NTF3: variants seen among roughly 807,000 people sequenced by gnomAD.
The protein encoded by NTF3 is neurotrophin 3, also known as neurotrophin-3.
Under a neutral mutation model 26.3 loss-of-function variants are expected in NTF3, and 8 were observed. That is an observed-to-expected ratio of 0.30 (90% CI 0.18 to 0.55). The LOEUF is 0.55. NTF3 is among the 20% of genes least tolerant of loss of function. The pLI is 0.93. For synonymous variants in NTF3, 154 were observed against 145.5 expected (o/e 1.06, Z -0.42); for missense variants, 276 against 352.9 (o/e 0.78, Z 1.75).
Position 5,494,551 on chromosome 12 carries a change from G to A in NTF3, c.376G>A (p.Glu126Lys), listed in dbSNP as rs1177026116. Residue 126 changes from glutamate (E) to lysine (K), a missense_variant, in exon 2 of 2, where the codon GAG becomes AAG. By Grantham distance (56) the Glu-to-Lys change is moderately conservative. Transcript: ENST00000423158. The surrounding 1 kb of genome is among the most constrained non-coding windows in gnomAD (Gnocchi z 8.3). ...CCTGCTGAGCGACAGCACCCCCTTGGAGCCCCCGCCCTTGTATCTCATGGA... is the reference window on the plus strand; with the variant it reads ...CCTGCTGAGCGACAGCACCCCCTTGAAGCCCCCGCCCTTGTATCTCATGGA... ...RVLLSDSTPL[E>K]PPPLYLMEDY... The A allele has an allele frequency of 2.5e-6, 4 of 1,614,064 alleles. No individual in the cohort carries two copies.
intron 1 of NTF3, among the ~76,000 whole-genome samples, chr12:5,458,567 G>A (rs564697328): frequency 6.6e-6 from 1 of 152,280 alleles, no homozygotes; most frequent in South Asian, 2.1e-4. Flanking sequence ...AAAACAGAAG[G>A]TGTTTGCCTG....
intron 1 of NTF3, among the ~76,000 whole-genome samples, chr12:5,478,565 A>G (rs963689410): frequency 6.6e-6 from 1 of 152,194 alleles, no homozygotes; most frequent in African/African-American, 2.4e-5. Flanking sequence ...AGGCCTCCCC[A>G]TGGGGCAGCA....
intron 1 of NTF3, among the ~76,000 whole-genome samples, chr12:5,471,320 G>T (rs1310613543): frequency 2.0e-5 from 3 of 152,172 alleles, no homozygotes; most frequent in Non-Finnish European, 2.9e-5. Context: ...TCGGGCTTTA[G>T]TTCCCTTATC....
intron 1 of NTF3, among the ~76,000 whole-genome samples, chr12:5,455,375 G>T (rs11063686): frequency 0.14 from 21,321 of 152,140 alleles, 1,722 homozygotes; most frequent in East Asian, 0.29. Flanking sequence ...GACTGCCTGG[G>T]TTAGGTGTTG....
At chr12:5,486,847 A>G (rs1475329592) in intron 1 of NTF3, among the ~76,000 whole-genome samples, 5 of 152,002 alleles carry the variant, frequency 3.3e-5, no homozygotes, top group Non-Finnish European at 7.4e-5. Flanking sequence ...AAATAGTTCG[A>G]CTAGAGCCCA....
At chr12:5,485,018 C>T (rs191401252) in intron 1 of NTF3, among the ~76,000 whole-genome samples, 5 of 152,342 alleles carry the variant, frequency 3.3e-5, no homozygotes, top group Admixed American at 3.3e-4. Flanking sequence ...TCTGTCCCAC[C>T]TTCAACGCTC....
chr12:5,470,804 T>C (rs1940655271), intron 1 of NTF3, among the ~76,000 whole-genome samples: 1 of 152,246 alleles, frequency 6.6e-6, no homozygotes, highest in Non-Finnish European at 1.5e-5. Flanking sequence ...AATGCATGTG[T>C]GGAACATGCC....
chr12:5,432,185 TTCTC>T lies in NTF3; in HGVS notation c.-135_-132del, dbSNP rs1303318608. ...GACGCAGCCCGGCGCAACTACTTTC[TTCTC>T]TCTCCTTTCTTTCTTCCTCTCCTTT... On this transcript the variant is annotated 5_prime_UTR_variant, in exon 1 of 2. Coordinates refer to ENST00000423158, the MANE Select transcript of NTF3 (RefSeq NM_001102654.2). 9.8e-7 allele frequency: 1 copy of T among 1,015,688 alleles called. No homozygotes were observed. Among genetic ancestry groups the T allele is most frequent in the African/African-American group, 1.6e-5 (1 of 63,330 alleles). 62.9% of individuals were successfully genotyped at this position (1,015,688 alleles called of 1,614,324 possible). A position where few individuals can be genotyped will look rare whatever the true frequency, so the allele number is the denominator to read the frequency against.
At chr12:5,457,429 T>C (rs1284019417) in intron 1 of NTF3, among the ~76,000 whole-genome samples, 2 of 152,214 alleles carry the variant, frequency 1.3e-5, no homozygotes, top group East Asian at 3.9e-4. Flanking sequence ...CCTTCCATGA[T>C]GTCTTCTTTC....
At chr12:5,449,621 C>T (rs1353493306) in intron 1 of NTF3, among the ~76,000 whole-genome samples, 8 of 152,174 alleles carry the variant, frequency 5.3e-5, no homozygotes, top group Admixed American at 2.6e-4. Flanking sequence ...TCCTGACTCC[C>T]GACTTTACAG....
At position 5,494,165 on chromosome 12, in the gene NTF3, T is replaced by C; in HGVS notation, c.19-29T>C. ...TAACACAGACTCAGCTGCCAGAGCC[T>C]GCTCTTAACACCTGTGTTTCCTTTT... is the stretch of plus-strand genomic sequence containing the variant. On this transcript the variant is annotated intron_variant, in intron 1 of 1. Coordinates refer to ENST00000423158, the MANE Select transcript of NTF3 (RefSeq NM_001102654.2). The surrounding 1 kb of genome is among the most constrained non-coding windows in gnomAD (Gnocchi z 8.3). 1 of 1,600,826 alleles carries C rather than the reference T, an allele frequency of 6.2e-7. No homozygotes were observed. Among genetic ancestry groups the C allele is most frequent in the Non-Finnish European group, 8.5e-7 (1 of 1,174,966 alleles).
chr12:5,461,454 G>A (rs1940522832), intron 1 of NTF3, among the ~76,000 whole-genome samples: 2 of 152,132 alleles, frequency 1.3e-5, no homozygotes, highest in African/African-American at 2.4e-5. Flanking sequence ...TACATGGGCT[G>A]TTGGTCATTC....
At chr12:5,459,185 G>A (rs1335616048) in intron 1 of NTF3, among the ~76,000 whole-genome samples, 1 of 152,080 alleles carries the variant, frequency 6.6e-6, no homozygotes, top group Non-Finnish European at 1.5e-5. Context: ...TTTCTGTACC[G>A]AGAGCTCATC....
At chr12:5,460,336 C>T (rs759205988) in intron 1 of NTF3, among the ~76,000 whole-genome samples, 1 of 152,202 alleles carries the variant, frequency 6.6e-6, no homozygotes, top group Non-Finnish European at 1.5e-5. Flanking sequence ...CTGTGCTCCA[C>T]CTGCCCATCC....
At chr12:5,492,299 G>A (rs1200525350) in intron 1 of NTF3, among the ~76,000 whole-genome samples, 1 of 152,134 alleles carries the variant, frequency 6.6e-6, no homozygotes, top group Non-Finnish European at 1.5e-5. Context: ...CCTTAAGAGC[G>A]GATATCCTGT....
upstream of NTF3, among the ~76,000 whole-genome samples, chr12:5,430,828 G>A (rs959023908): frequency 1.3e-5 from 2 of 152,066 alleles, no homozygotes; most frequent in Admixed American, 1.3e-4. Flanking sequence ...GAGTCAAAAG[G>A]TCCTGGCAGG....
chr12:5,447,097 A>G (rs1940315983), intron 1 of NTF3, among the ~76,000 whole-genome samples: 2 of 152,166 alleles, frequency 1.3e-5, no homozygotes, highest in Admixed American at 1.3e-4. Flanking sequence ...TCTGTCATGT[A>G]AGTAAGTCTC....
chr12:5,482,051 T>G (rs146185461), intron 1 of NTF3, among the ~76,000 whole-genome samples: 6 of 151,506 alleles, frequency 4.0e-5, no homozygotes, highest in Non-Finnish European at 8.8e-5. Flanking sequence ...CATGCATGCA[T>G]ACACACACTA....
intron 1 of NTF3, among the ~76,000 whole-genome samples, chr12:5,440,339 T>C (rs1287718872): frequency 6.6e-6 from 1 of 152,198 alleles, no homozygotes; most frequent in African/African-American, 2.4e-5. Flanking sequence ...GTATATAGCC[T>C]TTTAAAAACT....
Sources: gnomAD v4.1 joint callset for allele counts (sites outside exome capture counted in the v4.1 genomes callset) on GRCh38, gnomAD v4.1.1 for gene constraint, Gnocchi (gnomAD v3.1) non-coding constraint, MANE v1.5 for transcripts, NCBI Gene and HGNC (gene_info 2026-07-23, HGNC 2026-07-21) for gene names.